Variants in PLEKHG1 observed in about 807,000 individuals in gnomAD.
PLEKHG1 encodes the protein pleckstrin homology domain-containing family G member 1.
A neutral mutation model predicts 100.8 loss-of-function variants in PLEKHG1; 44 were observed. The ratio of observed to expected loss-of-function variants is 0.44; its 90% CI spans 0.34 to 0.56. The LOEUF (loss-of-function observed/expected upper bound fraction) is 0.56, where lower values mean the gene tolerates loss of function less well. Among genes scored for constraint, PLEKHG1 ranks in the 20% least tolerant of loss-of-function variants. PLEKHG1 has a pLI of 0.01. For missense variants in PLEKHG1, 1,545 were observed against 1,720.9 expected, an observed-to-expected ratio of 0.90 and a Z score of 1.81; for synonymous variants, 640 against 662.5, an observed-to-expected ratio of 0.97 and a Z score of 0.52.
At chr6:150,753,369 C>T (rs546161348) in intron 2 of PLEKHG1, among the ~76,000 whole-genome samples, 37 of 152,160 alleles carry the variant, frequency 2.4e-4, no homozygotes, top group African/African-American at 8.9e-4. Context: ...TTGAAAAAAG[C>T]CTTTATCTCT....
At chr6:150,694,705 A>T (rs868072627) in intron 3 of PLEKHG1, among the ~76,000 whole-genome samples, 9 of 151,608 alleles carry the variant, frequency 5.9e-5, no homozygotes, top group Non-Finnish European at 1.2e-4. Context: ...CTCAAAAAAA[A>T]AAAAAATAAA....
chr6:150,660,817 C>T (rs1329403594), intron 3 of PLEKHG1, among the ~76,000 whole-genome samples: 1 of 152,212 alleles, frequency 6.6e-6, no homozygotes, highest in Non-Finnish European at 1.5e-5. Context: ...CATTTCAGTG[C>T]ATTTGCACAA....
intron 15 of PLEKHG1, among the ~76,000 whole-genome samples, chr6:150,834,272 A>G (rs949350016): frequency 6.6e-6 from 1 of 152,208 alleles, no homozygotes; most frequent in Admixed American, 6.5e-5. Context: ...TTGCTGTTAC[A>G]GGGAAAGTGA....
chr6:150,639,825 G>T (rs1778176326), intron 2 of PLEKHG1, among the ~76,000 whole-genome samples: 1 of 152,194 alleles, frequency 6.6e-6, no homozygotes, highest in Admixed American at 6.5e-5. Context: ...CATGGACCAG[G>T]CAGGAATTAT....
At chr6:150,698,736 G>C (rs1225832267) in intron 3 of PLEKHG1, among the ~76,000 whole-genome samples, 1 of 152,126 alleles carries the variant, frequency 6.6e-6, no homozygotes, top group Non-Finnish European at 1.5e-5. Context: ...GTCTGGGCAG[G>C]GTTAGGTGGG....
chr6:150,696,163 A>G (rs1222454046), intron 3 of PLEKHG1, among the ~76,000 whole-genome samples: 1 of 152,182 alleles, frequency 6.6e-6, no homozygotes, highest in African/African-American at 2.4e-5. Context: ...CCCTCTGTCA[A>G]TAGTTCTTAA....
intron 3 of PLEKHG1, among the ~76,000 whole-genome samples, chr6:150,775,826 A>G (rs770253831): frequency 2.0e-5 from 3 of 152,196 alleles, no homozygotes; most frequent in Non-Finnish European, 4.4e-5. Flanking sequence ...TGACTTCTGC[A>G]CAATGGTAGA....
intron 2 of PLEKHG1, among the ~76,000 whole-genome samples, chr6:150,641,087 A>G (rs770202092): frequency 6.6e-6 from 1 of 152,142 alleles, no homozygotes; most frequent in African/African-American, 2.4e-5. Flanking sequence ...CACACAGCCA[A>G]ATGCCCCCAC....
intron 1 of PLEKHG1, among the ~76,000 whole-genome samples, chr6:150,626,575 A>T (rs1562392083): frequency 6.6e-6 from 1 of 152,080 alleles, no homozygotes; most frequent in Non-Finnish European, 1.5e-5. Flanking sequence ...ACATTTTCTG[A>T]TGCTTTAAGG....
chr6:150,647,427 T>C (rs1042759058), intron 2 of PLEKHG1, among the ~76,000 whole-genome samples: 1 of 152,226 alleles, frequency 6.6e-6, no homozygotes, highest in East Asian at 1.9e-4. Context: ...AAGGACATGG[T>C]GATAGGTTGG....
At chr6:150,706,882 C>T (rs373417745) in intron 3 of PLEKHG1, among the ~76,000 whole-genome samples, 21 of 151,544 alleles carry the variant, frequency 1.4e-4, no homozygotes, top group African/African-American at 5.1e-4. Flanking sequence ...AATTTTTCCC[C>T]ACCCCTCCAC....
chr6:150,632,423 G>A (rs1777798721), intron 1 of PLEKHG1, among the ~76,000 whole-genome samples: 1 of 152,338 alleles, frequency 6.6e-6, no homozygotes, highest in East Asian at 1.9e-4. Context: ...ACACACCTAG[G>A]GCTGCTCTCA....
In PLEKHG1 at chr6:150,835,052, C is replaced by T. The variant is rs551046774; in HGVS notation, c.3094+2847C>T. Among the ~76,000 whole-genome samples the T allele has an allele frequency of 8.5e-5, 13 of 152,260 alleles. No homozygotes were observed. The East Asian group carries it at 1.9e-3, about 23-fold the overall frequency. ...TGCCGCTTTGCCAGGAGCTTGCTCT[C>T]GGTGCTGTGCGGAAGGAGGAGCACC... is the stretch of plus-strand genomic sequence containing the variant. On this transcript the variant is annotated intron_variant, in intron 15 of 15. Transcript: ENST00000358517.
chr6:150,834,166 T>G (rs1442085879), intron 15 of PLEKHG1, among the ~76,000 whole-genome samples: 1 of 152,254 alleles, frequency 6.6e-6, no homozygotes, highest in East Asian at 1.9e-4. Flanking sequence ...AGGTTTTGTA[T>G]GCATGTGAGA....
At chr6:150,687,354 C>G (rs1780176683) in intron 3 of PLEKHG1, among the ~76,000 whole-genome samples, 1 of 152,104 alleles carries the variant, frequency 6.6e-6, no homozygotes. Flanking sequence ...AATTGCATCA[C>G]TTTATTATGT....
intron 4 of PLEKHG1, among the ~76,000 whole-genome samples, chr6:150,786,890 C>T (rs1354007356): frequency 1.3e-5 from 2 of 151,734 alleles, no homozygotes; most frequent in Non-Finnish European, 2.9e-5. Flanking sequence ...ATTAGCCAGG[C>T]GTGGTGGTGT....
intron 2 of PLEKHG1, among the ~76,000 whole-genome samples, chr6:150,766,613 T>A (rs965550394): frequency 7.2e-5 from 11 of 152,262 alleles, no homozygotes; most frequent in African/African-American, 2.2e-4. Context: ...CAATAATTTC[T>A]GAAAACAAGC....
upstream of PLEKHG1, among the ~76,000 whole-genome samples, chr6:150,716,456 C>T (rs896821231): frequency 2.6e-5 from 4 of 152,180 alleles, 1 homozygote; most frequent in South Asian, 6.2e-4. Context: ...CAAAATATTT[C>T]CTTGAACCCA....
At chr6:150,693,354 G>T (rs1780418567) in intron 3 of PLEKHG1, among the ~76,000 whole-genome samples, 1 of 152,160 alleles carries the variant, frequency 6.6e-6, no homozygotes, top group Non-Finnish European at 1.5e-5. Context: ...CTGCTTCCTG[G>T]AAGTCGCTTC....
Sources: gnomAD v4.1 joint callset for allele counts (sites outside exome capture counted in the v4.1 genomes callset) on GRCh38, gnomAD v4.1.1 for gene constraint, MANE v1.5 for transcripts, NCBI Gene and HGNC (gene_info 2026-07-23, HGNC 2026-07-21) for gene names.